The following TBCD variants were observed in gnomAD, a reference collection of about 807,000 sequenced individuals.
The protein encoded by TBCD is tubulin folding cofactor D.
Under a neutral mutation model 169.3 loss-of-function variants are expected in TBCD, and 105 were observed. That is an observed-to-expected ratio of 0.62 (90% CI 0.53 to 0.73). The LOEUF is 0.73. TBCD is among the 30% of genes least tolerant of loss of function. The pLI is 0.00. For missense variants in TBCD, 1,444 were observed against 1,600.1 expected (o/e 0.90, Z 1.66); for synonymous variants, 700 against 643.9 (o/e 1.09, Z -1.32).
Position 82,874,628 on chromosome 17 carries a change from A to G in TBCD, c.1475+4248A>G, listed in dbSNP as rs114270222. Among the ~76,000 whole-genome samples, 3,760 of 152,230 alleles carry G rather than the reference A, an allele frequency of 0.025. 180 individuals carry two copies. The highest frequency in any genetic ancestry group is 0.086 in the African/African-American group (3,558 of 41,534). ...TGTCAGGCTTGTCCAACGGGTTCTT[A>G]GAGAACCTGGGCCCCATCCCTCCTT... On this transcript the variant is annotated intron_variant, in intron 14 of 38. Coordinates refer to ENST00000355528, the MANE Select transcript of TBCD (RefSeq NM_005993.5). This position sits in a 1 kb window ranked among gnomAD's most constrained non-coding sequence, Gnocchi z 5.0.
intron 2 of TBCD, among the ~76,000 whole-genome samples, chr17:82,758,389 A>AAAAAAAAAAAAAT (rs2047530406): frequency 1.5e-5 from 2 of 134,314 alleles, no homozygotes; most frequent in Admixed American, 7.5e-5. Flanking sequence ...TCTCGGAAAA[A>AAAAAAAAAAAAAT]AAAAAAAAAA....
chr17:82,827,374 G>A (rs2052947783), intron 13 of TBCD, among the ~76,000 whole-genome samples: 1 of 152,156 alleles, frequency 6.6e-6, no homozygotes, highest in South Asian at 2.1e-4. Context: ...CTTGAAAAGT[G>A]AGAGAAAGGG....
intron 11 of TBCD, among the ~76,000 whole-genome samples, chr17:82,807,979 C>A (rs1004444469): frequency 1.3e-5 from 2 of 152,334 alleles, no homozygotes; most frequent in East Asian, 3.9e-4. Flanking sequence ...TCGTTCCCCA[C>A]AGATGGGGGT....
At chr17:82,929,744 C>A in intron 32 of TBCD, 1 of 627,036 alleles carries the variant, frequency 1.6e-6, no homozygotes, top group Non-Finnish European at 2.8e-6. Flanking sequence ...TTCCTGCGGC[C>A]GCAGCCTTGG....
rs945201010 is a variant in TBCD, at chr17:82,889,311, C to T, written c.1534-357C>T. Among the ~76,000 whole-genome samples the T allele has an allele frequency of 6.6e-6, 1 of 152,246 alleles. No homozygotes were observed. The stretch of plus-strand genomic sequence containing the variant: ...GTGCCAGTTGGTGACCATGAGCTGC[C>T]TCACTCCTGAGGAAGAGTGTTCGGG... On this transcript the variant is annotated intron_variant, in intron 15 of 38. Coordinates refer to ENST00000355528, the MANE Select transcript of TBCD (RefSeq NM_005993.5). The surrounding 1 kb of genome is among the most constrained non-coding windows in gnomAD (Gnocchi z 5.3).
At position 82,832,206 on chromosome 17, in the gene TBCD, C is replaced by T. The variant is rs775795115; in HGVS notation, c.1318+17272C>T. On this transcript the variant is annotated intron_variant, in intron 13 of 38. Transcript: ENST00000355528. This position sits in a 1 kb window ranked among gnomAD's most constrained non-coding sequence, Gnocchi z 4.9. ...CGACAGACTTGGAAGAGGCTGGCTT[C>T]GCCGTGGCATCGGGCTGGTTGGTTT... is the stretch of plus-strand genomic sequence containing the variant. 17 of 1,614,086 alleles carry T rather than the reference C, an allele frequency of 1.1e-5. No individual in the cohort carries two copies. Among genetic ancestry groups the T allele is most frequent in the East Asian group, 4.5e-5 (2 of 44,896 alleles).
At chr17:82,821,018 GT>G (rs2052372523) in intron 13 of TBCD, among the ~76,000 whole-genome samples, 1 of 152,104 alleles carries the variant, frequency 6.6e-6, no homozygotes, top group Non-Finnish European at 1.5e-5. Context: ...TGCAGTGGTG[GT>G]ATCACGGCTT....
In TBCD at chr17:82,922,570, C is replaced by T. The variant is rs560114232; in HGVS notation, c.2178+993C>T. Among the ~76,000 whole-genome samples, 8 of 152,054 alleles carry T rather than the reference C, an allele frequency of 5.3e-5. No individual in the cohort carries two copies. Among genetic ancestry groups the T allele is most frequent in the South Asian group, 2.1e-4 (1 of 4,800 alleles). On this transcript the variant is annotated intron_variant, in intron 25 of 38. Coordinates refer to ENST00000355528, the MANE Select transcript of TBCD (RefSeq NM_005993.5). The surrounding 1 kb of genome is among the most constrained non-coding windows in gnomAD (Gnocchi z 4.1). ...TGAACATTCTGTAGGATCCAAGTAC[C>T]GTTCTACTAATTGAATTTGAATGCA...
chr17:82,911,709 T>C (rs2146945969), intron 22 of TBCD, 49 bp from the exon 23 acceptor site: 1 of 1,589,502 alleles, frequency 6.3e-7, no homozygotes, highest in East Asian at 2.2e-5. Flanking sequence ...TCATGGTGTT[T>C]TATACGTCAA....
intron 4 of TBCD, among the ~76,000 whole-genome samples, chr17:82,766,836 G>A (rs2048040298): frequency 6.6e-6 from 1 of 152,196 alleles, no homozygotes; most frequent in African/African-American, 2.4e-5. Context: ...GGGAGCTCCC[G>A]GGGTCCTCCA....
intron 21 of TBCD, among the ~76,000 whole-genome samples, chr17:82,909,010 A>C (rs1297543938): frequency 6.6e-6 from 1 of 152,230 alleles, no homozygotes; most frequent in Non-Finnish European, 1.5e-5. Context: ...CTCTGGGGCC[A>C]GAATGCAGGT....
At chr17:82,876,710 C>T (rs1599134945) in intron 14 of TBCD, among the ~76,000 whole-genome samples, 1 of 152,194 alleles carries the variant, frequency 6.6e-6, no homozygotes, top group African/African-American at 2.4e-5. Flanking sequence ...GTTTCTCAGG[C>T]GTTGCTGTAT....
At chr17:82,925,610 TC>T (rs948466095) in intron 27 of TBCD, among the ~76,000 whole-genome samples, 1 of 152,130 alleles carries the variant, frequency 6.6e-6, no homozygotes, top group Non-Finnish European at 1.5e-5. Flanking sequence ...CCCACGCCCT[TC>T]CCTCCCCATG....
chr17:82,849,669 A>G (rs1008876274), intron 13 of TBCD, among the ~76,000 whole-genome samples: 6 of 152,214 alleles, frequency 3.9e-5, no homozygotes, highest in Non-Finnish European at 8.8e-5. Flanking sequence ...CGGGGGTGGG[A>G]CTGCCATTGT....
chr17:82,879,199 G>A lies in TBCD; in HGVS notation c.1476-4946G>A, dbSNP rs142454169. On this transcript the variant is annotated intron_variant, in intron 14 of 38. Coordinates refer to ENST00000355528, the MANE Select transcript of TBCD (RefSeq NM_005993.5). Reference sequence around the variant, plus strand: ...CCCAGGAGTCTCACATCCTCTCGGTGGAGAACAGTATTTGGAATCCAGGAC... The same window carrying A: ...CCCAGGAGTCTCACATCCTCTCGGTAGAGAACAGTATTTGGAATCCAGGAC... Among the ~76,000 whole-genome samples, 157 of 151,484 alleles carry A rather than the reference G, an allele frequency of 1.0e-3. 1 individual carries two copies. Among genetic ancestry groups the A allele is most frequent in the Middle Eastern group, 0.01 (3 of 292 alleles).
chr17:82,921,832 C>T (rs1381057710), intron 25 of TBCD, among the ~76,000 whole-genome samples: 5 of 152,196 alleles, frequency 3.3e-5, no homozygotes, highest in African/African-American at 1.2e-4. Flanking sequence ...ATTATAGTTA[C>T]CTTTGAAATA....
In TBCD at chr17:82,941,392, C is replaced by T; in HGVS notation, c.3480-7C>T. On this transcript the variant is annotated splice_region_variant and splice_polypyrimidine_tract_variant and intron_variant, in intron 37 of 38. Transcript: ENST00000355528. Reference sequence around the variant, plus strand: ...CGAGAGACTCACGGCTCTCCCTCTCCTCACAGGGACGCGGAGCTTGCAGTG... The same window carrying T: ...CGAGAGACTCACGGCTCTCCCTCTCTTCACAGGGACGCGGAGCTTGCAGTG... 1 of 1,584,196 alleles carries T rather than the reference C, an allele frequency of 6.3e-7. No individual in the cohort carries two copies. The highest frequency in any genetic ancestry group is 1.7e-5 in the Admixed American group (1 of 57,830).
intron 17 of TBCD, 86 bp downstream of exon 17, chr17:82,893,718 C>G: frequency 9.9e-7 from 1 of 1,008,376 alleles, no homozygotes; most frequent in Non-Finnish European, 1.5e-6. Flanking sequence ...TTTCTTTTTT[C>G]ATCCTGTAAT....
Position 82,945,576 on chromosome 17 carries a change from G to A in TBCD, c.*3113G>A, listed in dbSNP as rs1011069021. The A allele has an allele frequency of 6.6e-6, 1 of 152,170 alleles. No individual in the cohort carries two copies. The highest frequency in any genetic ancestry group is 1.5e-5 in the Non-Finnish European group (1 of 68,022). 9.4% of individuals were successfully genotyped at this position (152,170 alleles called of 1,614,324 possible). A position where few individuals can be genotyped will look rare whatever the true frequency, so the allele number is the denominator to read the frequency against. On this transcript the variant is annotated 3_prime_UTR_variant, in exon 39 of 39. Coordinates refer to ENST00000355528, the MANE Select transcript of TBCD (RefSeq NM_005993.5). ...GCCCACAGCATAACATTAAAGAAGA[G>A]AACAAAATTAAGTCATTTAGATAAA...
Sources: allele counts gnomAD v4.1 joint callset (sites outside exome capture counted in the v4.1 genomes callset), GRCh38; gene constraint gnomAD v4.1.1; non-coding constraint Gnocchi (gnomAD v3.1); transcripts MANE v1.5; gene names NCBI Gene and HGNC (gene_info 2026-07-23, HGNC 2026-07-21).